Variants in PCDHA12 observed in about 807,000 individuals in gnomAD.
PCDHA12 encodes the protein protocadherin alpha 12.
In PCDHA12, 44 loss-of-function variants were observed where a neutral mutation model predicts 60.0. The ratio of observed to expected loss-of-function variants is 0.73; its 90% CI spans 0.58 to 0.94. PCDHA12 has a LOEUF of 0.94. Among genes scored for constraint, PCDHA12 ranks in the 40% least tolerant of loss-of-function variants. The probability of loss-of-function intolerance (pLI) is 0.00; values close to 1 mark genes in which losing one functional copy is unlikely to be tolerated. For synonymous variants in PCDHA12, 569 were observed against 553.0 expected, an observed-to-expected ratio of 1.03 and a Z score of -0.40; for missense variants, 1,276 against 1,239.7, an observed-to-expected ratio of 1.03 and a Z score of -0.44.
intron 1 of PCDHA12, among the ~76,000 whole-genome samples, chr5:140,908,701 C>A (rs2074102440): frequency 6.6e-6 from 1 of 152,218 alleles, no homozygotes; most frequent in Admixed American, 6.5e-5. Context: ...ACACCTCAAG[C>A]ACCATTGGAT....
At chr5:140,936,768 G>C (rs1554211177) in intron 1 of PCDHA12, among the ~76,000 whole-genome samples, 2 of 152,042 alleles carry the variant, frequency 1.3e-5, no homozygotes, top group African/African-American at 4.8e-5. Flanking sequence ...AATTGTGTAA[G>C]TTCTCTCACT....
rs1562702075 is a variant in PCDHA12 at position 140,875,758 on chromosome 5, T to C, written c.286T>C (p.Cys96Arg). 6.2e-7 allele frequency: 1 copy of C among 1,614,186 alleles called. No individual in the cohort carries two copies. The change falls in exon 1 of 4, where the codon TGC becomes CGC. Residue 96 changes from cysteine (C) to arginine (R), a missense_variant. By Grantham distance (180) the Cys-to-Arg change is radical. Transcript: ENST00000398631. ...VNSRIDREKL[C>R]GRSAECSIHL... Reference sequence around the variant, plus strand: ...TTCTCGGATCGACCGCGAGAAGCTGTGCGGGCGGAGCGCGGAGTGCAGTAT... The same window carrying C: ...TTCTCGGATCGACCGCGAGAAGCTGCGCGGGCGGAGCGCGGAGTGCAGTAT...
intron 1 of PCDHA12, 36 bp downstream of exon 1, chr5:140,877,875 C>T (rs2057379478): frequency 6.8e-7 from 1 of 1,475,090 alleles, no homozygotes; most frequent in Non-Finnish European, 9.0e-7. Context: ...TATTTGTTTC[C>T]TTGAAGAACT....
intron 1 of PCDHA12, among the ~76,000 whole-genome samples, chr5:140,881,606 T>A (rs1554172306): frequency 6.6e-6 from 1 of 152,226 alleles, no homozygotes; most frequent in East Asian, 1.9e-4. Context: ...TAATATGATG[T>A]GCTTATTCAA....
intron 1 of PCDHA12, among the ~76,000 whole-genome samples, chr5:140,971,488 A>AG (rs1338536132): frequency 1.3e-5 from 2 of 152,222 alleles, no homozygotes; most frequent in African/African-American, 4.8e-5. Flanking sequence ...ACATTGTTAC[A>AG]GTGTGGCAAG....
At chr5:140,937,039 CTT>C (rs34994034) in intron 1 of PCDHA12, among the ~76,000 whole-genome samples, 9 of 140,130 alleles carry the variant, frequency 6.4e-5, no homozygotes, top group Admixed American at 7.1e-5. Context: ...TTCCATTTAT[CTT>C]TTTTTTTTTT....
intron 1 of PCDHA12, among the ~76,000 whole-genome samples, chr5:140,978,222 G>C (rs997273847): frequency 6.6e-6 from 1 of 152,180 alleles, no homozygotes; most frequent in South Asian, 2.1e-4. Flanking sequence ...AATGTATCAG[G>C]TTTTTCTTGG....
At chr5:140,962,747 G>A (rs1385433172) in intron 1 of PCDHA12, among the ~76,000 whole-genome samples, 1 of 152,142 alleles carries the variant, frequency 6.6e-6, no homozygotes, top group Non-Finnish European at 1.5e-5. Flanking sequence ...ATGAAGATCA[G>A]GAATCCTATT....
rs560557725 is a variant in PCDHA12, at chr5:141,005,418, G to T, written c.2516-4209G>T. Among the ~76,000 whole-genome samples, 149 of 152,250 alleles carry T rather than the reference G, an allele frequency of 9.8e-4. 1 individual carries two copies. The highest frequency in any genetic ancestry group is 3.5e-3 in the African/African-American group (145 of 41,544). On this transcript the variant is annotated intron_variant, in intron 3 of 3. Transcript: ENST00000398631. ...ACAGACTTGAAGAGTGAGGAGTCAT[G>T]CTAAGAATGGATGAGAGGCTCACGC...
intron 1 of PCDHA12, chr5:140,881,278 T>G: frequency 5.4e-6 from 4 of 743,002 alleles, no homozygotes; most frequent in Non-Finnish European, 6.6e-6. Flanking sequence ...TGAAGTAAGA[T>G]GGAGAGAGAA....
intron 1 of PCDHA12, among the ~76,000 whole-genome samples, chr5:140,910,919 T>G (rs2075230231): frequency 6.6e-6 from 1 of 152,154 alleles, no homozygotes; most frequent in Admixed American, 6.5e-5. Flanking sequence ...TTTTTGCTTA[T>G]ATAAATAAGA....
At chr5:140,950,065 G>A (rs1403260430) in intron 1 of PCDHA12, among the ~76,000 whole-genome samples, 1 of 151,574 alleles carries the variant, frequency 6.6e-6, no homozygotes, top group Non-Finnish European at 1.5e-5. Context: ...AGCTCTTCCT[G>A]TGCCATTGCT....
chr5:140,928,616 G>A, intron 1 of PCDHA12: 2 of 1,614,226 alleles, frequency 1.2e-6, no homozygotes, highest in Non-Finnish European at 8.5e-7. Flanking sequence ...CGCTCTGCCA[G>A]GACTGGACAC....
intron 1 of PCDHA12, among the ~76,000 whole-genome samples, chr5:140,944,182 G>T (rs542395513): frequency 1.3e-5 from 2 of 152,052 alleles, no homozygotes; most frequent in South Asian, 2.1e-4. Flanking sequence ...TTTTTTGTTG[G>T]TTTGTTTTGT....
chr5:140,914,933 T>C (rs1025071911), intron 1 of PCDHA12, among the ~76,000 whole-genome samples: 1 of 149,146 alleles, frequency 6.7e-6, no homozygotes, highest in Non-Finnish European at 1.5e-5. Flanking sequence ...TACTATGTTG[T>C]GAAAAGTTGT....
At chr5:140,935,203 A>G (rs1403808889) in intron 1 of PCDHA12, among the ~76,000 whole-genome samples, 1 of 152,160 alleles carries the variant, frequency 6.6e-6, no homozygotes, top group Non-Finnish European at 1.5e-5. Flanking sequence ...GTTTCTAGGT[A>G]TCTTCAGCTA....
At chr5:140,989,724 T>C (rs1251385686) in intron 3 of PCDHA12, among the ~76,000 whole-genome samples, 6 of 152,178 alleles carry the variant, frequency 3.9e-5, no homozygotes, top group African/African-American at 1.4e-4. Context: ...AGCTTTGCAG[T>C]TGAAAAGGCC....
At position 140,877,467 on chromosome 5, in the gene PCDHA12, G is replaced by T. The variant is rs1554169776; in HGVS notation, c.1995G>T (p.Val665=). 1.2e-6 allele frequency: 2 copies of T among 1,613,868 alleles called. No individual in the cohort carries two copies. The highest frequency in any genetic ancestry group is 1.7e-6 in the Non-Finnish European group (2 of 1,179,878). ...GEPALTSTAT[V]LVSLVENGQA... Reference sequence around the variant, plus strand: ...CCGCGCTGACGTCCACGGCCACGGTGCTGGTGTCGCTGGTGGAGAACGGCC... The same window carrying T: ...CCGCGCTGACGTCCACGGCCACGGTTCTGGTGTCGCTGGTGGAGAACGGCC... Residue 665 remains valine (V), a synonymous_variant, in exon 1 of 4, where the codon GTG becomes GTT. Transcript: ENST00000398631.
At chr5:140,917,875 T>TC (rs1459321723) in intron 1 of PCDHA12, among the ~76,000 whole-genome samples, 11 of 152,026 alleles carry the variant, frequency 7.2e-5, no homozygotes, top group Non-Finnish European at 7.4e-5. Context: ...CTATTTGGGC[T>TC]CTTTTTTTTT....
Sources: allele counts gnomAD v4.1 joint callset (sites outside exome capture counted in the v4.1 genomes callset), GRCh38; gene constraint gnomAD v4.1.1; transcripts MANE v1.5; gene names NCBI Gene and HGNC (gene_info 2026-07-23, HGNC 2026-07-21).